EXOG: variants seen among roughly 807,000 people sequenced by gnomAD.
The protein encoded by EXOG is nuclease EXOG, mitochondrial.
EXOG carries 27 observed loss-of-function variants against 25.8 expected under a neutral mutation model. The observed-to-expected ratio is 1.05, with a 90% confidence interval of 0.77 to 1.45. The LOEUF (loss-of-function observed/expected upper bound fraction) is 1.45. Among genes scored for constraint, EXOG ranks in the 40% most tolerant of loss-of-function variants. The pLI, the probability that EXOG is intolerant of heterozygous loss-of-function variation, is 0.00. For missense variants in EXOG, 458 were observed against 450.5 expected, an observed-to-expected ratio of 1.02 and a Z score of -0.15; for synonymous variants, 133 against 167.0, an observed-to-expected ratio of 0.80 and a Z score of 1.57.
intron 5 of EXOG, among the ~76,000 whole-genome samples, chr3:38,508,704 A>T: frequency 7.5e-6 from 1 of 134,068 alleles, no homozygotes; most frequent in East Asian, 2.4e-4. Flanking sequence ...GAACAGATTG[A>T]GGAACCACCC....
At chr3:38,517,453 A>G (rs1055587573) in intron 5 of EXOG, among the ~76,000 whole-genome samples, 2 of 152,228 alleles carry the variant, frequency 1.3e-5, no homozygotes, top group South Asian at 4.1e-4. Flanking sequence ...GCCATCGGCC[A>G]TTTCTCCAAG....
intron 5 of EXOG, among the ~76,000 whole-genome samples, chr3:38,507,187 G>A (rs922611185): frequency 3.9e-5 from 6 of 152,208 alleles, no homozygotes; most frequent in South Asian, 2.1e-4. Context: ...AGGAACTCAC[G>A]GTTTAGAGTG....
chr3:38,497,659 T>A lies in EXOG; in HGVS notation c.194T>A (p.Phe65Tyr), dbSNP rs1349344410. The change falls in exon 2 of 6, where the codon TTT becomes TAT. Residue 65 changes from phenylalanine (F) to tyrosine (Y), a missense_variant. This residue lies in a region of EXOG where 275 missense variants were observed against 230.5 expected (regional missense o/e 1.19). Coordinates refer to ENST00000287675, the MANE Select transcript of EXOG (RefSeq NM_005107.4). ...GCAGAAAAGGCTGTCTTGGAACAAT[T>A]TGGATTCCCTTTAACTGGAACAGAG... ...GSAEKAVLEQ[F>Y]GFPLTGTEAR... The A allele has an allele frequency of 6.3e-7, 1 of 1,599,018 alleles. No individual in the cohort carries two copies. The highest frequency in any genetic ancestry group is 1.4e-5 in the African/African-American group (1 of 73,740).
In EXOG at chr3:38,496,441, T is replaced by C. The variant is rs766378816; in HGVS notation, c.74T>C (p.Val25Ala). ...RFLSGFVAGA[V>A]VGAAGAGLAA... ...CTGAGCGGCTTCGTGGCTGGGGCTG[T>C]AGTGGGCGCTGCGGGAGCTGGGCTC... Residue 25 changes from valine to alanine, a missense_variant, in exon 1 of 6, where the codon GTA becomes GCA. By Grantham distance (64) the Val-to-Ala change is moderately conservative. Transcript: ENST00000287675. 3 of 1,613,872 alleles carry C rather than the reference T, an allele frequency of 1.9e-6. No individual in the cohort carries two copies. In the African/African-American group the frequency reaches 4.0e-5, roughly 22 times the overall value.
chr3:38,524,791 A>G lies in EXOG; in HGVS notation c.*429A>G. 1 of 989,692 alleles carries G rather than the reference A, an allele frequency of 1.0e-6. No homozygotes were observed. The allele number at this position is 989,692 out of a possible 1,614,324, so 61.3% of individuals were successfully genotyped here. On this transcript the variant is annotated 3_prime_UTR_variant, in exon 6 of 6. Transcript: ENST00000287675. ...GGAGGGCTGATCTTGTGTCAAGTTA[A>G]CAGGAAGACTGCCCACAGATGACAC...
Position 38,496,495 on chromosome 3 carries a change from G to T in EXOG, c.128G>T (p.Gly43Val), listed in dbSNP as rs748759280. The change falls in exon 1 of 6, where the codon GGC becomes GTC. Residue 43 changes from glycine to valine, a missense_variant. Transcript: ENST00000287675. ...LAALQFFRSQ[G>V]AEGALTGKQP... ...GCCCTGCAGTTCTTCCGGAGTCAGG[G>T]CGCTGAGGGAGCGTTGACAGGGAAG... is the stretch of plus-strand genomic sequence containing the variant. 3.7e-6 allele frequency: 6 copies of T among 1,613,590 alleles called. No homozygotes were observed. The highest frequency in any genetic ancestry group is 3.3e-5 in the Admixed American group (2 of 60,024).
intron 5 of EXOG, among the ~76,000 whole-genome samples, chr3:38,509,260 A>AT (rs1321699230): frequency 1.3e-5 from 2 of 152,212 alleles, no homozygotes; most frequent in Non-Finnish European, 2.9e-5. Context: ...AAATTGAAAA[A>AT]TTTATATCAC....
chr3:38,525,162 C>G lies in EXOG; in HGVS notation c.*800C>G, dbSNP rs2060841225. On this transcript the variant is annotated 3_prime_UTR_variant, in exon 6 of 6. Coordinates refer to ENST00000287675, the MANE Select transcript of EXOG (RefSeq NM_005107.4). ...ACATGTGTTGTCTCACAATGACTCT[C>G]TGAGGTAAATACACTATCCCCATTT... 1.1e-6 allele frequency: 1 copy of G among 921,222 alleles called. No homozygotes were observed. The highest frequency in any genetic ancestry group is 5.0e-5 in the South Asian group (1 of 19,890). 57.1% of individuals were successfully genotyped at this position (921,222 alleles called of 1,614,324 possible).
intron 1 of EXOG, 34 bp downstream of exon 1, chr3:38,496,564 C>T (rs1196041144): frequency 1.3e-6 from 2 of 1,590,418 alleles, no homozygotes; most frequent in South Asian, 2.2e-5. Flanking sequence ...CTTCGCTGGC[C>T]CAGATTTCGG....
At chr3:38,515,186 A>G (rs1006808066) in intron 5 of EXOG, among the ~76,000 whole-genome samples, 1 of 152,184 alleles carries the variant, frequency 6.6e-6, no homozygotes, top group Non-Finnish European at 1.5e-5. Context: ...AAAATGTCCT[A>G]AAACTCTGAA....
rs973385812 is a variant in EXOG, at chr3:38,501,010, CAA to C, written c.314-344_314-343del. Among the ~76,000 whole-genome samples the C allele has an allele frequency of 2.0e-5, 3 of 152,102 alleles. No homozygotes were observed. The South Asian group carries it at 6.2e-4, about 32-fold the overall frequency. On this transcript the variant is annotated intron_variant, in intron 2 of 5. Coordinates refer to ENST00000287675, the MANE Select transcript of EXOG (RefSeq NM_005107.4). ...ATACATGGGAGTCTTTTTTAAAAAA[CAA>C]GAGTTTATTTAGTAGCCAAGCTTTT...
chr3:38,520,595 A>G (rs1246132432), intron 5 of EXOG, among the ~76,000 whole-genome samples: 3 of 152,138 alleles, frequency 2.0e-5, no homozygotes, highest in East Asian at 1.9e-4. Flanking sequence ...TTGCTTGATT[A>G]TACGTTTCCC....
intron 5 of EXOG, among the ~76,000 whole-genome samples, chr3:38,517,168 G>A (rs2060571252): frequency 1.3e-5 from 2 of 152,314 alleles, no homozygotes; most frequent in South Asian, 4.1e-4. Flanking sequence ...TACTATGTTA[G>A]TTGCTAAATG....
intron 1 of EXOG, 37 bp downstream of exon 1, chr3:38,496,567 G>C (rs776932059): frequency 3.5e-5 from 56 of 1,589,004 alleles, no homozygotes; most frequent in Middle Eastern, 3.3e-4. Context: ...CGCTGGCCCA[G>C]ATTTCGGGCT....
rs1233172034 is a variant in EXOG at position 38,524,956 on chromosome 3, A to G, written c.*594A>G. The stretch of plus-strand genomic sequence containing the variant: ...GTACATTTTTCCCTCTAGGACCTGA[A>G]TTGGTCTTGGAGGCAGCTTTTAGAA... On this transcript the variant is annotated 3_prime_UTR_variant, in exon 6 of 6. Coordinates refer to ENST00000287675, the MANE Select transcript of EXOG (RefSeq NM_005107.4). 4.1e-6 allele frequency: 4 copies of G among 985,320 alleles called. No homozygotes were observed. Among genetic ancestry groups the G allele is most frequent in the East Asian group, 2.3e-4 (2 of 8,814 alleles). 61.0% of individuals were successfully genotyped at this position (985,320 alleles called of 1,614,324 possible).
Position 38,524,255 on chromosome 3 carries a change from A to T in EXOG, c.1000A>T (p.Asn334Tyr), listed in dbSNP as rs945456711. 2 of 1,614,076 alleles carry T rather than the reference A, an allele frequency of 1.2e-6. No homozygotes were observed. The highest frequency in any genetic ancestry group is 2.7e-5 in the African/African-American group (2 of 74,938). ...RLEKIMENLK[N>Y]AEIEPDDYFM... ...GGAAAAGATCATGGAAAACTTGAAG[A>T]ATGCAGAGATTGAACCAGATGATTA... The change falls in exon 6 of 6, where the codon AAT becomes TAT. Residue 334 changes from asparagine to tyrosine, a missense_variant. Physicochemically the swap from Asn to Tyr is moderately radical, Grantham distance 143 (BLOSUM62 -2). Coordinates refer to ENST00000287675, the MANE Select transcript of EXOG (RefSeq NM_005107.4).
chr3:38,499,258 C>G (rs1489343608), intron 2 of EXOG, among the ~76,000 whole-genome samples: 1 of 152,140 alleles, frequency 6.6e-6, no homozygotes. Context: ...AAAATGTGTG[C>G]TATGGCTATG....
chr3:38,520,365 A>C (rs1403290588), intron 5 of EXOG, among the ~76,000 whole-genome samples: 1 of 152,202 alleles, frequency 6.6e-6, no homozygotes, highest in Non-Finnish European at 1.5e-5. Context: ...TACAGTCTTG[A>C]GTAGAGTTCA....
chr3:38,496,896 A>G, intron 1 of EXOG: 2 of 1,224,610 alleles, frequency 1.6e-6, no homozygotes, highest in Non-Finnish European at 2.2e-6. Context: ...CCATCATCTA[A>G]CCAGCACAGT....
Sources: allele counts gnomAD v4.1 joint callset (sites outside exome capture counted in the v4.1 genomes callset), GRCh38; gene constraint gnomAD v4.1.1; regional missense constraint gnomAD v4.1.1; transcripts MANE v1.5; gene names NCBI Gene and HGNC (gene_info 2026-07-23, HGNC 2026-07-21).